Variants in CSMD1 observed in about 807,000 individuals in gnomAD.
The protein encoded by CSMD1 is CUB and Sushi multiple domains 1.
A neutral mutation model predicts 417.5 loss-of-function variants in CSMD1; 213 were observed. The ratio of observed to expected loss-of-function variants is 0.51; its 90% CI spans 0.46 to 0.57. The LOEUF (loss-of-function observed/expected upper bound fraction) is 0.57. Among genes scored for constraint, CSMD1 ranks in the 20% least tolerant of loss-of-function variants. The probability of loss-of-function intolerance (pLI) is 0.00; values close to 1 mark genes in which losing one functional copy is unlikely to be tolerated. For missense variants in CSMD1, 6,923 were observed against 4,529.7 expected (o/e 1.53, Z -15.17); for synonymous variants, 2,862 against 1,736.8 (o/e 1.65, Z -16.11).
Position 3,091,673 on chromosome 8 carries a change from C to A in CSMD1, c.7139-11G>T, listed in dbSNP as rs537246896. The stretch of plus-strand genomic sequence containing the variant: ...TTTGCCCAGAAGAACCTAAGTGAAA[C>A]AGAAAAACAAAAACATTCAGAGATG... On this transcript the variant is annotated splice_polypyrimidine_tract_variant and intron_variant, in intron 47 of 69. Coordinates refer to ENST00000635120, the MANE Select transcript of CSMD1 (RefSeq NM_033225.6). 2.5e-6 allele frequency: 4 copies of A among 1,602,478 alleles called. No individual in the cohort carries two copies. The highest frequency in any genetic ancestry group is 2.2e-5 in the South Asian group (2 of 88,898).
intron 26 of CSMD1, among the ~76,000 whole-genome samples, chr8:3,233,080 GTTTTC>G (rs1033188999): frequency 2.4e-5 from 3 of 126,288 alleles, no homozygotes; most frequent in African/African-American, 8.3e-5. Context: ...TGCTTATTAT[GTTTTC>G]TTTTCATTTT....
chr8:3,330,925 G>A (rs2117538514), intron 23 of CSMD1, among the ~76,000 whole-genome samples: 1 of 152,226 alleles, frequency 6.6e-6, no homozygotes, highest in African/African-American at 2.4e-5. Context: ...TATGAGAGAT[G>A]ACATCTTAAA....
At chr8:3,361,057 C>T (rs988919864) in intron 20 of CSMD1, among the ~76,000 whole-genome samples, 11 of 152,124 alleles carry the variant, frequency 7.2e-5, no homozygotes, top group Non-Finnish European at 1.3e-4. Flanking sequence ...ATCTGTAAAA[C>T]ATTCAAACTA....
intron 5 of CSMD1, among the ~76,000 whole-genome samples, chr8:3,984,104 G>GACCACATTGCAGATCTGATGGGGCTGT (rs1167648339): frequency 7.1e-6 from 1 of 141,770 alleles, no homozygotes; most frequent in Non-Finnish European, 1.6e-5. Context: ...GCTGTCAATA[G>GACCACATTGCAGATCTGATGGGGCTGT]CAACTCTAGA....
intron 1 of CSMD1, among the ~76,000 whole-genome samples, chr8:4,925,434 T>A (rs1354304388): frequency 6.6e-6 from 1 of 152,112 alleles, no homozygotes; most frequent in African/African-American, 2.4e-5. Flanking sequence ...CCTACAGAAC[T>A]TACTGTTAAT....
chr8:4,459,030 C>G (rs1463440401), intron 2 of CSMD1, among the ~76,000 whole-genome samples: 2 of 152,186 alleles, frequency 1.3e-5, no homozygotes, highest in East Asian at 3.9e-4. Flanking sequence ...CTTTCTTCCC[C>G]TTATCTCCAA....
intron 2 of CSMD1, among the ~76,000 whole-genome samples, chr8:4,537,764 G>C (rs1033366711): frequency 6.6e-6 from 1 of 152,148 alleles, no homozygotes; most frequent in Admixed American, 6.5e-5. Context: ...ACCTGGCCTC[G>C]AATCACCAGG....
chr8:4,077,320 T>TAC (rs1483473184), intron 3 of CSMD1, among the ~76,000 whole-genome samples: 1 of 141,932 alleles, frequency 7.0e-6, no homozygotes, highest in African/African-American at 2.6e-5. Flanking sequence ...TATATATATA[T>TAC]ATGGTAGACA....
intron 7 of CSMD1, among the ~76,000 whole-genome samples, chr8:3,672,137 G>A (rs1799102628): frequency 6.6e-6 from 1 of 152,108 alleles, no homozygotes; most frequent in Non-Finnish European, 1.5e-5. Flanking sequence ...ACTTCCTCTT[G>A]CAAACTTGTT....
chr8:3,586,945 G>A (rs1800628730), intron 8 of CSMD1, among the ~76,000 whole-genome samples: 1 of 152,246 alleles, frequency 6.6e-6, no homozygotes, highest in African/African-American at 2.4e-5. Flanking sequence ...GACTACAGAT[G>A]TGCACAACTA....
At chr8:4,488,691 G>T (rs1204021031) in intron 2 of CSMD1, among the ~76,000 whole-genome samples, 1 of 151,818 alleles carries the variant, frequency 6.6e-6, no homozygotes, top group Non-Finnish European at 1.5e-5. Context: ...CGGTGGGGGG[G>T]GTGAAAAGTG....
intron 3 of CSMD1, among the ~76,000 whole-genome samples, chr8:4,243,283 G>A (rs1026616247): frequency 6.6e-6 from 1 of 152,072 alleles, no homozygotes; most frequent in African/African-American, 2.4e-5. Flanking sequence ...CATGAACTAG[G>A]TCTGAATTTC....
chr8:4,883,880 TTA>T (rs1320868469), intron 1 of CSMD1, among the ~76,000 whole-genome samples: 1 of 152,062 alleles, frequency 6.6e-6, no homozygotes, highest in Non-Finnish European at 1.5e-5. Flanking sequence ...TATGGTAACT[TTA>T]TGTCTAACAT....
Position 3,187,911 on chromosome 8 carries a change from C to G in CSMD1, c.5578G>C (p.Asp1860His), listed in dbSNP as rs1457306398. 2 of 1,613,196 alleles carry G rather than the reference C, an allele frequency of 1.2e-6. No homozygotes were observed. Among genetic ancestry groups the G allele is most frequent in the Non-Finnish European group, 8.5e-7 (1 of 1,179,606 alleles). ...EQNWDSLEIH[D>H]GGDVTAPRLG... ...CTGGGTGCGGTCACATCCCCACCAT[C>G]GTGGATCTCAAGGGAGTCCCAGTTC... The change falls in exon 36 of 70, where the codon GAT becomes CAT. Residue 1860 changes from aspartate to histidine, a missense_variant. Physicochemically the swap from Asp to His is moderately conservative, Grantham distance 81 (BLOSUM62 -1). Coordinates refer to ENST00000635120, the MANE Select transcript of CSMD1 (RefSeq NM_033225.6).
intron 7 of CSMD1, among the ~76,000 whole-genome samples, chr8:3,652,791 T>C (rs962006070): frequency 1.3e-5 from 2 of 152,124 alleles, no homozygotes; most frequent in African/African-American, 4.8e-5. Flanking sequence ...CCCAAACATA[T>C]ACCTGGAATA....
chr8:3,187,864 C>T lies in CSMD1; in HGVS notation c.5620+5G>A, dbSNP rs1402633912. The T allele has an allele frequency of 6.2e-7, 1 of 1,611,172 alleles. No homozygotes were observed. Among genetic ancestry groups the T allele is most frequent in the Non-Finnish European group, 8.5e-7 (1 of 1,178,182 alleles). On this transcript the variant is annotated splice_donor_5th_base_variant and intron_variant, in intron 36 of 69. Coordinates refer to ENST00000635120, the MANE Select transcript of CSMD1 (RefSeq NM_033225.6). ...ACACAGGTGAGGAAATTGACTCCATCTTACCTGAGAAGCTTCCCAGTCTGG... is the reference window on the plus strand; with the variant it reads ...ACACAGGTGAGGAAATTGACTCCATTTTACCTGAGAAGCTTCCCAGTCTGG...
intron 3 of CSMD1, among the ~76,000 whole-genome samples, chr8:4,273,665 G>C (rs745624105): frequency 1.3e-5 from 2 of 152,120 alleles, no homozygotes; most frequent in African/African-American, 2.4e-5. Context: ...GTAATCTGTA[G>C]CAAATAGTTT....
At chr8:4,561,521 A>G (rs1270705040) in intron 2 of CSMD1, among the ~76,000 whole-genome samples, 1 of 152,200 alleles carries the variant, frequency 6.6e-6, no homozygotes, top group African/African-American at 2.4e-5. Context: ...TGTCTCTACC[A>G]AAACAGAAAA....
In CSMD1 at chr8:3,768,696, T is replaced by G. The variant is rs549930783; in HGVS notation, c.819-14654A>C. 1.9e-3 allele frequency among the ~76,000 whole-genome samples: 295 copies of G among 152,338 alleles called. 2 individuals are homozygous for G. Among genetic ancestry groups the G allele is most frequent in the Middle Eastern group, 3.4e-3 (1 of 294 alleles). ...TGTGTTATTGCTCCTTTCCAGCCAG[T>G]CTAGCAAAGTTATGTAATTTCTTTA... On this transcript the variant is annotated intron_variant, in intron 5 of 69. Transcript: ENST00000635120.
Sources: allele counts gnomAD v4.1 joint callset (sites outside exome capture counted in the v4.1 genomes callset), GRCh38; gene constraint gnomAD v4.1.1; transcripts MANE v1.5; gene names NCBI Gene and HGNC (gene_info 2026-07-23, HGNC 2026-07-21).